RAI1: variants seen among roughly 807,000 people sequenced by gnomAD.
The protein encoded by RAI1 is retinoic acid-induced protein 1.
Under a neutral mutation model 123.8 loss-of-function variants are expected in RAI1, and 9 were observed. The ratio of observed to expected loss-of-function variants is 0.07; its 90% CI spans 0.04 to 0.13. RAI1 has a LOEUF of 0.13. RAI1 is among the 10% of genes least tolerant of loss of function. The pLI, the probability that RAI1 is intolerant of heterozygous loss-of-function variation, is 1.00. For synonymous variants in RAI1, 1,231 were observed against 1,127.3 expected, an observed-to-expected ratio of 1.09 and a Z score of -1.84; for missense variants, 2,256 against 2,545.8, an observed-to-expected ratio of 0.89 and a Z score of 2.45.
chr17:17,697,064 G>A (rs1222231080), intron 1 of RAI1, among the ~76,000 whole-genome samples: 1 of 152,182 alleles, frequency 6.6e-6, no homozygotes, highest in Non-Finnish European at 1.5e-5. Context: ...AGCTGCCCTT[G>A]CCCTGACCTA....
intron 2 of RAI1, 76 bp downstream of exon 2, chr17:17,724,235 C>T (rs1008777230): frequency 2.6e-5 from 4 of 151,162 alleles, no homozygotes; most frequent in African/African-American, 9.7e-5. Context: ...CCCGGCCCGC[C>T]GCCGCGCGCA....
chr17:17,800,180 G>GTCTCTCTCTC lies in RAI1; in HGVS notation c.5565+1706_5565+1715dup, dbSNP rs58147049. Reference sequence around the variant, plus strand: ...TCTCTCCTGCTTTCTGTCTCTCTCTGTCTCTCTCTCTCTCTCTCTCTCTCT... The same window carrying GTCTCTCTCTC: ...TCTCTCCTGCTTTCTGTCTCTCTCTGTCTCTCTCTCTCTCTCTCTCTCTCTCTCTCTCTCT... On this transcript the variant is annotated intron_variant, in intron 3 of 5. Transcript: ENST00000353383. The surrounding 1 kb of genome is among the most constrained non-coding windows in gnomAD (Gnocchi z 4.7). Among the ~76,000 whole-genome samples, 143 of 116,316 alleles carry GTCTCTCTCTC rather than the reference G, an allele frequency of 1.2e-3. 4 individuals carry two copies. Among genetic ancestry groups the GTCTCTCTCTC allele is most frequent in the African/African-American group, 2.3e-3 (78 of 33,414 alleles). 76.3% of individuals were successfully genotyped at this position (116,316 alleles called of 152,430 possible). A position where few individuals can be genotyped will look rare whatever the true frequency, so the allele number is the denominator to read the frequency against.
chr17:17,787,933 C>T (rs2031882960), intron 2 of RAI1, among the ~76,000 whole-genome samples: 1 of 152,144 alleles, frequency 6.6e-6, no homozygotes, highest in South Asian at 2.1e-4. Flanking sequence ...GGAGGCTCCT[C>T]AAACATCTGG....
rs770576612 is a variant in RAI1, at chr17:17,793,806, G to T, written c.858G>T (p.Gln286His). The T allele has an allele frequency of 6.2e-7, 1 of 1,610,770 alleles. No homozygotes were observed. Among genetic ancestry groups the T allele is most frequent in the Admixed American group, 1.7e-5 (1 of 59,950 alleles). Residue 286 changes from glutamine (Q) to histidine (H), a missense_variant, in exon 3 of 6, where the codon CAG becomes CAT. By Grantham distance (24) the Gln-to-His change is conservative. Transcript: ENST00000353383. Reference protein sequence around the residue: ...YDQQQQQQQQQQQQQQALQSR... With the variant: ...YDQQQQQQQQHQQQQQALQSR... ...AGCAGCAGCAGCAGCAGCAGCAGCA[G>T]CAGCAGCAGCAGCAAGCCCTTCAGA...
Position 17,685,886 on chromosome 17 carries a change from C to G in RAI1, c.-149+4093C>G, listed in dbSNP as rs1474138561. On this transcript the variant is annotated intron_variant, in intron 1 of 5. Coordinates refer to ENST00000353383, the MANE Select transcript of RAI1 (RefSeq NM_030665.4). This position sits in a 1 kb window ranked among gnomAD's most constrained non-coding sequence, Gnocchi z 4.0. ...CATGTGCATCCTTGCCTCTGTGCAT[C>G]GGGCTGGGCTGTTCCTTCCACCTGG... Among the ~76,000 whole-genome samples the G allele has an allele frequency of 1.3e-5, 2 of 152,184 alleles. No homozygotes were observed. The highest frequency in any genetic ancestry group is 4.8e-5 in the African/African-American group (2 of 41,442).
At position 17,810,035 on chromosome 17, in the gene RAI1, C is replaced by A; in HGVS notation, c.*54C>A. ...CCGGAGCCCGCCTGCCCGCCCGCCG[C>A]CGAAGGAGAGGAGCCGCCTGCGCAG... On this transcript the variant is annotated 3_prime_UTR_variant, in exon 6 of 6. Transcript: ENST00000353383. The surrounding 1 kb of genome is among the most constrained non-coding windows in gnomAD (Gnocchi z 4.6). 7.8e-6 allele frequency: 12 copies of A among 1,542,488 alleles called. No homozygotes were observed. Among genetic ancestry groups the A allele is most frequent in the Non-Finnish European group, 1.0e-5 (12 of 1,144,322 alleles).
At position 17,756,494 on chromosome 17, in the gene RAI1, C is replaced by T. The variant is rs1311891088; in HGVS notation, c.-17+32335C>T. On this transcript the variant is annotated intron_variant, in intron 2 of 5. Coordinates refer to ENST00000353383, the MANE Select transcript of RAI1 (RefSeq NM_030665.4). ...TTACAGGTGTGAGCACTGCACCTGG[C>T]ATGAATGAATTTTTTTATTTTTGGA... Among the ~76,000 whole-genome samples the T allele has an allele frequency of 2.6e-5, 4 of 152,284 alleles. No individual in the cohort carries two copies. The East Asian group carries it at 5.8e-4, about 22-fold the overall frequency.
chr17:17,744,874 T>G (rs1055249690), intron 2 of RAI1, among the ~76,000 whole-genome samples: 15 of 152,176 alleles, frequency 9.9e-5, no homozygotes, highest in Middle Eastern at 6.8e-3. Flanking sequence ...CTAGAGGTCT[T>G]TACTTTTACT....
In RAI1 at chr17:17,681,594, G is replaced by T; in HGVS notation, c.-348G>T. 5.0e-6 allele frequency: 1 copy of T among 199,528 alleles called. No individual in the cohort carries two copies. The highest frequency in any genetic ancestry group is 1.7e-4 in the South Asian group (1 of 5,870). The allele number at this position is 199,528 out of a possible 1,614,324, so 12.4% of individuals were successfully genotyped here. On this transcript the variant is annotated 5_prime_UTR_variant, in exon 1 of 6. Coordinates refer to ENST00000353383, the MANE Select transcript of RAI1 (RefSeq NM_030665.4). ...CGAGTGGGAGAGCGAGTGCAGCGAG[G>T]GCGAGAGGCGAGCCGAGCAGGCCGC...
At chr17:17,715,873 TCCA>T (rs776852847) in intron 1 of RAI1, among the ~76,000 whole-genome samples, 8 of 152,186 alleles carry the variant, frequency 5.3e-5, no homozygotes, top group Non-Finnish European at 1.0e-4. Context: ...CATATTCTGT[TCCA>T]CATCCTCCTC....
In RAI1 at chr17:17,809,821, G is replaced by T; in HGVS notation, c.5710-149G>T. On this transcript the variant is annotated intron_variant, in intron 5 of 5. Transcript: ENST00000353383. This position sits in a 1 kb window ranked among gnomAD's most constrained non-coding sequence, Gnocchi z 4.9. ...GCTGGACGGGGTGGGGCCAGAAGGG[G>T]TGGTGCCGACGGCCTCGGGCGGAGA... 1 of 1,033,914 alleles carries T rather than the reference G, an allele frequency of 9.7e-7. No individual in the cohort carries two copies. Among genetic ancestry groups the T allele is most frequent in the Admixed American group, 2.2e-5 (1 of 45,118 alleles). The allele number at this position is 1,033,914 out of a possible 1,614,324, so 64.0% of individuals were successfully genotyped here. A position where few individuals can be genotyped will look rare whatever the true frequency, so the allele number is the denominator to read the frequency against.
chr17:17,744,589 G>A (rs573469741), intron 2 of RAI1, among the ~76,000 whole-genome samples: 9 of 152,100 alleles, frequency 5.9e-5, no homozygotes, highest in Non-Finnish European at 1.2e-4. Flanking sequence ...TCAGGAGTTC[G>A]AGACCAGCCT....
At position 17,793,656 on chromosome 17, in the gene RAI1, T is replaced by C; in HGVS notation, c.708T>C (p.Tyr236=). 6.2e-7 allele frequency: 1 copy of C among 1,613,156 alleles called. No individual in the cohort carries two copies. The highest frequency in any genetic ancestry group is 8.5e-7 in the Non-Finnish European group (1 of 1,179,994). Residue 236 remains tyrosine, a synonymous_variant, in exon 3 of 6, where the codon TAT becomes TAC. Transcript: ENST00000353383. ...VQGGGQGAHS[Y]KSCTAPTAQP... is the part of the protein sequence containing the mutation. The stretch of plus-strand genomic sequence containing the variant: ...GTGGTGGGCAGGGGGCCCACTCCTA[T>C]AAGAGTTGCACAGCACCGACTGCCC...
At position 17,800,276 on chromosome 17, in the gene RAI1, G is replaced by A. The variant is rs145708655; in HGVS notation, c.5565+1763G>A. Among the ~76,000 whole-genome samples the A allele has an allele frequency of 7.7e-3, 1,104 of 143,786 alleles. 6 individuals carry two copies. Among genetic ancestry groups the A allele is most frequent in the African/African-American group, 0.026 (1,013 of 39,008 alleles). 94.3% of individuals were successfully genotyped at this position (143,786 alleles called of 152,430 possible). A position where few individuals can be genotyped will look rare whatever the true frequency, so the allele number is the denominator to read the frequency against. On this transcript the variant is annotated intron_variant, in intron 3 of 5. Coordinates refer to ENST00000353383, the MANE Select transcript of RAI1 (RefSeq NM_030665.4). The surrounding 1 kb of genome is among the most constrained non-coding windows in gnomAD (Gnocchi z 4.7). Reference sequence around the variant, plus strand: ...CTTGAAACAGGTTCAAGTCTCTCCCGTCATCAAAAAATAATAACCCTCAGA... The same window carrying A: ...CTTGAAACAGGTTCAAGTCTCTCCCATCATCAAAAAATAATAACCCTCAGA...
rs573851166 is a variant in RAI1, at chr17:17,783,779, G to T, written c.-16-9154G>T. Among the ~76,000 whole-genome samples, 166 of 150,332 alleles carry T rather than the reference G, an allele frequency of 1.1e-3. 1 individual carries two copies. Among genetic ancestry groups the T allele is most frequent in the African/African-American group, 3.9e-3 (158 of 40,140 alleles). On this transcript the variant is annotated intron_variant, in intron 2 of 5. Transcript: ENST00000353383. The stretch of plus-strand genomic sequence containing the variant: ...TCGATGGGGTGCTGAGGTGTAGGCG[G>T]GGGGCGGGGGCGGAAAGGGTTAATG...
intron 2 of RAI1, among the ~76,000 whole-genome samples, chr17:17,742,904 G>C (rs967284674): frequency 1.1e-4 from 16 of 152,212 alleles, no homozygotes; most frequent in African/African-American, 3.4e-4. Context: ...TCCAACCTGG[G>C]AACAGGAGCC....
intron 4 of RAI1, among the ~76,000 whole-genome samples, chr17:17,805,972 T>C (rs1226938420): frequency 1.3e-5 from 2 of 152,242 alleles, no homozygotes. Context: ...CAGCATGGCG[T>C]GGACAGTCCC....
intron 2 of RAI1, among the ~76,000 whole-genome samples, chr17:17,728,039 G>A (rs1916149816): frequency 6.6e-6 from 1 of 151,996 alleles, no homozygotes; most frequent in Non-Finnish European, 1.5e-5. Context: ...TTGTGCATGC[G>A]TGCCTCTGTG....
chr17:17,733,467 T>G (rs1046816658), intron 2 of RAI1, among the ~76,000 whole-genome samples: 1 of 152,182 alleles, frequency 6.6e-6, no homozygotes, highest in African/African-American at 2.4e-5. Context: ...GCTTGTTCTA[T>G]AAGATGATTC....
Sources: allele counts gnomAD v4.1 joint callset (sites outside exome capture counted in the v4.1 genomes callset), GRCh38; gene constraint gnomAD v4.1.1; non-coding constraint Gnocchi (gnomAD v3.1); transcripts MANE v1.5; gene names NCBI Gene and HGNC (gene_info 2026-07-23, HGNC 2026-07-21).